The following MACROD2 variants were observed in gnomAD, a reference collection of about 807,000 sequenced individuals.
MACROD2 encodes the protein ADP-ribose glycohydrolase MACROD2.
In MACROD2, 36 loss-of-function variants were observed where a neutral mutation model predicts 70.4. The observed-to-expected ratio is 0.51, with a 90% CI of 0.39 to 0.68. MACROD2 has a LOEUF of 0.68. Among genes scored for constraint, MACROD2 ranks in the 30% least tolerant of loss-of-function variants. The probability of loss-of-function intolerance (pLI) is 0.00; values close to 1 mark genes in which losing one functional copy is unlikely to be tolerated. For synonymous variants in MACROD2, 172 were observed against 178.8 expected (o/e 0.96, Z 0.30); for missense variants, 496 against 538.4 (o/e 0.92, Z 0.78).
intron 2 of MACROD2, among the ~76,000 whole-genome samples, chr20:14,018,164 A>G (rs1367954077): frequency 6.6e-6 from 1 of 151,736 alleles, no homozygotes; most frequent in African/African-American, 2.4e-5. Context: ...TAATTTGTGT[A>G]CTCTTTCTTA....
chr20:14,446,140 T>A (rs2084179655), intron 3 of MACROD2, among the ~76,000 whole-genome samples: 1 of 152,074 alleles, frequency 6.6e-6, no homozygotes, highest in Admixed American at 6.5e-5. Flanking sequence ...TACCAAACTT[T>A]GTATTGCCAC....
chr20:14,156,792 A>G (rs2055110060), intron 3 of MACROD2, among the ~76,000 whole-genome samples: 1 of 152,232 alleles, frequency 6.6e-6, no homozygotes, highest in Non-Finnish European at 1.5e-5. Flanking sequence ...ATTGCTAACT[A>G]CTGAGAGTCA....
Position 14,100,654 on chromosome 20 carries a change from A to T in MACROD2, c.271+14926A>T, listed in dbSNP as rs1339036266. Among the ~76,000 whole-genome samples, 28 of 139,918 alleles carry T rather than the reference A, an allele frequency of 2.0e-4. 1 individual carries two copies. The highest frequency in any genetic ancestry group is 3.2e-4 in the Non-Finnish European group (21 of 65,068). 91.8% of individuals were successfully genotyped at this position (139,918 alleles called of 152,430 possible). A position where few individuals can be genotyped will look rare whatever the true frequency, so the allele number is the denominator to read the frequency against. On this transcript the variant is annotated intron_variant, in intron 3 of 17. Transcript: ENST00000684519. ...TATATTTTTTTTATTTTAAATATAT[A>T]TAAATATATATTTAAATGTATTTAT...
intron 4 of MACROD2, among the ~76,000 whole-genome samples, chr20:14,553,877 A>C (rs1198459972): frequency 1.3e-5 from 2 of 152,182 alleles, no homozygotes; most frequent in Non-Finnish European, 2.9e-5. Context: ...TCCATGGTCT[A>C]AGACATTTCA....
chr20:15,520,981 T>C (rs926442584), intron 8 of MACROD2, among the ~76,000 whole-genome samples: 5 of 152,226 alleles, frequency 3.3e-5, no homozygotes, highest in African/African-American at 1.2e-4. Context: ...TCTCATCAGA[T>C]ACATTTAATG....
chr20:14,216,260 G>A (rs1319818411), intron 3 of MACROD2, among the ~76,000 whole-genome samples: 3 of 152,006 alleles, frequency 2.0e-5, no homozygotes, highest in Non-Finnish European at 2.9e-5. Context: ...TGTTGAAAAG[G>A]GTGTCCTTTC....
chr20:14,280,747 T>C (rs1212134715), intron 3 of MACROD2, among the ~76,000 whole-genome samples: 1 of 152,208 alleles, frequency 6.6e-6, no homozygotes, highest in Non-Finnish European at 1.5e-5. Context: ...AAAACTTCCA[T>C]ATACTATCAT....
At chr20:14,682,925 G>C (rs1035917045) in intron 4 of MACROD2, among the ~76,000 whole-genome samples, 3 of 151,954 alleles carry the variant, frequency 2.0e-5, no homozygotes, top group Non-Finnish European at 4.4e-5. Flanking sequence ...TGTTGCCCAG[G>C]CTGGAGTGCA....
intron 4 of MACROD2, among the ~76,000 whole-genome samples, chr20:14,552,314 C>T (rs1421340265): frequency 1.1e-5 from 1 of 94,890 alleles, no homozygotes; most frequent in Admixed American, 1.7e-4. Flanking sequence ...ATTCATATCT[C>T]TATGTGGGGG....
chr20:15,533,424 T>C (rs1021076618), intron 8 of MACROD2, among the ~76,000 whole-genome samples: 6 of 152,216 alleles, frequency 3.9e-5, no homozygotes, highest in Non-Finnish European at 8.8e-5. Flanking sequence ...TTAGGACATG[T>C]AATTTTTCCC....
At chr20:14,764,455 T>C (rs182145079) in intron 5 of MACROD2, among the ~76,000 whole-genome samples, 58 of 152,218 alleles carry the variant, frequency 3.8e-4, no homozygotes, top group African/African-American at 1.3e-3. Flanking sequence ...CTTGCCAGAT[T>C]CCATGTGTCT....
intron 13 of MACROD2, among the ~76,000 whole-genome samples, chr20:15,980,589 C>T (rs1275085924): frequency 1.3e-5 from 2 of 152,046 alleles, no homozygotes; most frequent in African/African-American, 4.8e-5. Flanking sequence ...AGTTTTAAGT[C>T]CTCTTAGTGC....
At chr20:14,369,765 G>A (rs1449889979) in intron 3 of MACROD2, among the ~76,000 whole-genome samples, 1 of 151,822 alleles carries the variant, frequency 6.6e-6, no homozygotes, top group Non-Finnish European at 1.5e-5. Flanking sequence ...TGTACTCTAG[G>A]TCTTCTCTTT....
intron 4 of MACROD2, among the ~76,000 whole-genome samples, chr20:14,668,508 A>G (rs992238030): frequency 1.3e-5 from 2 of 152,180 alleles, no homozygotes; most frequent in South Asian, 2.1e-4. Context: ...CTGAAAGCTC[A>G]CTGCACTTTT....
intron 8 of MACROD2, among the ~76,000 whole-genome samples, chr20:15,502,387 G>A (rs975254576): frequency 3.3e-5 from 5 of 152,154 alleles, no homozygotes; most frequent in East Asian, 1.9e-4. Flanking sequence ...GCAGAGAGAC[G>A]AAAGAATGGC....
intron 8 of MACROD2, among the ~76,000 whole-genome samples, chr20:15,694,772 T>A (rs139755498): frequency 6.6e-6 from 1 of 152,214 alleles, no homozygotes; most frequent in African/African-American, 2.4e-5. Flanking sequence ...TTTTGGGTTC[T>A]TGGTCATGAA....
At chr20:14,862,239 A>C (rs1246212728) in intron 5 of MACROD2, among the ~76,000 whole-genome samples, 66 of 52,976 alleles carry the variant, frequency 1.2e-3, no homozygotes, top group African/African-American at 5.3e-3. Context: ...ATAAATATAT[A>C]TTTATATATT....
At chr20:14,435,175 C>T (rs1033602706) in intron 3 of MACROD2, among the ~76,000 whole-genome samples, 2 of 152,134 alleles carry the variant, frequency 1.3e-5, no homozygotes, top group African/African-American at 4.8e-5. Flanking sequence ...TTTGTGGTGG[C>T]TTTCGGAATT....
At chr20:15,204,699 G>A (rs556768452) in intron 5 of MACROD2, among the ~76,000 whole-genome samples, 15 of 151,826 alleles carry the variant, frequency 9.9e-5, no homozygotes, top group Non-Finnish European at 1.8e-4. Context: ...GACCTTTTTC[G>A]CTCAGATTGT....
Sources: gnomAD v4.1 joint callset for allele counts (sites outside exome capture counted in the v4.1 genomes callset) on GRCh38, gnomAD v4.1.1 for gene constraint, MANE v1.5 for transcripts, NCBI Gene and HGNC (gene_info 2026-07-23, HGNC 2026-07-21) for gene names.